BET1: variants seen among roughly 807,000 people sequenced by gnomAD.
BET1 encodes Bet1 golgi vesicular membrane trafficking protein.
A neutral mutation model predicts 13.9 loss-of-function variants in BET1; 9 were observed. The observed-to-expected ratio is 0.65, with a 90% confidence interval of 0.39 to 1.13. The LOEUF is 1.13. Among genes scored for constraint, BET1 ranks in the 50% most tolerant of loss-of-function variants. BET1 has a pLI of 0.01. For missense variants in BET1, 127 were observed against 133.6 expected, an observed-to-expected ratio of 0.95 and a Z score of 0.24; for synonymous variants, 39 against 47.3, an observed-to-expected ratio of 0.82 and a Z score of 0.72.
chr7:93,993,455 T>C lies in BET1; in HGVS notation c.*775A>G, dbSNP rs1037696908. On this transcript the variant is annotated 3_prime_UTR_variant, in exon 4 of 4. Coordinates refer to ENST00000222547, the MANE Select transcript of BET1 (RefSeq NM_005868.6). ...CTGAGTTTCTTGCATACTATTTCCATTTAAAGTTCAGTAATTACTTAACTT... is the reference window on the plus strand; with the variant it reads ...CTGAGTTTCTTGCATACTATTTCCACTTAAAGTTCAGTAATTACTTAACTT... The C allele has an allele frequency of 2.0e-6, 2 of 982,634 alleles. No individual in the cohort carries two copies. The highest frequency in any genetic ancestry group is 6.1e-5 in the Admixed American group (1 of 16,320). 60.9% of individuals were successfully genotyped at this position (982,634 alleles called of 1,614,324 possible).
At chr7:93,977,212 G>A (rs1795353788) in intron 4 of BET1, among the ~76,000 whole-genome samples, 1 of 152,082 alleles carries the variant, frequency 6.6e-6, no homozygotes, top group Non-Finnish European at 1.5e-5. Context: ...TGTAATCTCA[G>A]CACTTTGGGA....
chr7:93,995,278 G>A (rs377551714), intron 3 of BET1, among the ~76,000 whole-genome samples: 15 of 152,242 alleles, frequency 9.9e-5, no homozygotes, highest in East Asian at 7.7e-4. Context: ...AAAAACTAAC[G>A]TATTAAAACA....
intron 4 of BET1, among the ~76,000 whole-genome samples, chr7:93,976,555 A>C (rs1795340337): frequency 6.6e-6 from 1 of 152,182 alleles, no homozygotes; most frequent in Non-Finnish European, 1.5e-5. Context: ...AGGTAAATAA[A>C]AAATGTAATT....
rs769656442 is a variant in BET1, at chr7:94,004,195, T to C, written c.19+3A>G. The C allele has an allele frequency of 6.2e-7, 1 of 1,613,978 alleles. No homozygotes were observed. The highest frequency in any genetic ancestry group is 8.5e-7 in the Non-Finnish European group (1 of 1,179,924). On this transcript the variant is annotated splice_donor_region_variant and intron_variant, in intron 1 of 3. Transcript: ENST00000222547. ...GAACTTCGAACCTCAGCCCTCTTCT[T>C]ACCCAGGCCTGCACGCCTCATCCTG...
intron 4 of BET1, chr7:93,976,237 C>A: frequency 1.7e-6 from 1 of 592,488 alleles, no homozygotes; most frequent in Non-Finnish European, 2.4e-6. Flanking sequence ...TAATGGAAGG[C>A]TTATGTGATA....
Position 93,993,381 on chromosome 7 carries a change from C to CAA in BET1, c.*847_*848dup. 1.0e-6 allele frequency: 1 copy of CAA among 975,406 alleles called. No individual in the cohort carries two copies. Among genetic ancestry groups the CAA allele is most frequent in the Non-Finnish European group, 1.2e-6 (1 of 820,552 alleles). 60.4% of individuals were successfully genotyped at this position (975,406 alleles called of 1,614,324 possible). A position where few individuals can be genotyped will look rare whatever the true frequency, so the allele number is the denominator to read the frequency against. On this transcript the variant is annotated 3_prime_UTR_variant, in exon 4 of 4. Transcript: ENST00000222547. ...GCCTTTGTGTTTTTCTTTCCATAAA[C>CAA]AAATACACTGGATTAAAGCAATAAT...
rs561219157 is a variant in BET1, at chr7:93,971,831, T to C, written c.*137+744A>G. ...TTTAACTAAGAAAGTTTAAATTATA[T>C]GGTAACTTTCCATGAAGTAATCTGA... On this transcript the variant is annotated intron_variant and NMD_transcript_variant, in intron 6 of 6. Coordinates refer to the BET1 transcript ENST00000357520. Among the ~76,000 whole-genome samples, 5 of 151,828 alleles carry C rather than the reference T, an allele frequency of 3.3e-5. No individual in the cohort carries two copies. In the East Asian group the frequency reaches 9.7e-4, roughly 29 times the overall value.
At chr7:93,964,123 A>G (rs899191164) in exon 7 of BET1, 5 of 151,880 alleles carry the variant, frequency 3.3e-5, no homozygotes, top group Admixed American at 6.6e-5. Flanking sequence ...AATAAAAACG[A>G]TTTCCACTTT....
At chr7:93,992,184 A>G, downstream of BET1, 19 of 985,434 alleles carry the variant, frequency 1.9e-5, no homozygotes, top group Non-Finnish European at 2.3e-5. Flanking sequence ...CCTACTTTAA[A>G]TAGTACTTAG....
At chr7:93,994,680 A>T (rs1795722339) in intron 3 of BET1, among the ~76,000 whole-genome samples, 1 of 152,132 alleles carries the variant, frequency 6.6e-6, no homozygotes, top group Non-Finnish European at 1.5e-5. Context: ...TTATGTGGAT[A>T]AAAAAAATTA....
chr7:93,990,540 TAA>T (rs886333026), downstream of BET1, among the ~76,000 whole-genome samples: 70 of 152,278 alleles, frequency 4.6e-4, no homozygotes, highest in African/African-American at 1.6e-3. Context: ...CTATAAATAC[TAA>T]AAGTCAGATT....
At chr7:93,968,256 C>T (rs373225372) in intron 6 of BET1, 1 of 151,736 alleles carries the variant, frequency 6.6e-6, no homozygotes, top group East Asian at 1.9e-4. Context: ...AGAAATACAC[C>T]TGATTTTAAA....
At chr7:94,000,814 G>A (rs1161689958) in intron 1 of BET1, among the ~76,000 whole-genome samples, 1 of 152,148 alleles carries the variant, frequency 6.6e-6, no homozygotes, top group Non-Finnish European at 1.5e-5. Flanking sequence ...ACTTGAGAAT[G>A]TGGGGAAAGG....
chr7:94,004,088 C>A, intron 1 of BET1, 110 bp downstream of exon 1: 14 of 1,506,476 alleles, frequency 9.3e-6, no homozygotes, highest in Non-Finnish European at 1.3e-5. Flanking sequence ...CTCTAGACAT[C>A]CTGTTTTTTG....
At chr7:93,986,483 A>C (rs1206786038) in intron 4 of BET1, among the ~76,000 whole-genome samples, 1 of 152,196 alleles carries the variant, frequency 6.6e-6, no homozygotes, top group Non-Finnish European at 1.5e-5. Context: ...ATGGCAGCAA[A>C]ATGTGAACTA....
At position 93,993,410 on chromosome 7, in the gene BET1, C is replaced by CT; in HGVS notation, c.*819dup. 1.0e-6 allele frequency: 1 copy of CT among 983,402 alleles called. No individual in the cohort carries two copies. Among genetic ancestry groups the CT allele is most frequent in the Non-Finnish European group, 1.2e-6 (1 of 827,638 alleles). 60.9% of individuals were successfully genotyped at this position (983,402 alleles called of 1,614,324 possible). A position where few individuals can be genotyped will look rare whatever the true frequency, so the allele number is the denominator to read the frequency against. The stretch of plus-strand genomic sequence containing the variant: ...TACACTGGATTAAAGCAATAATACT[C>CT]TTATCTTCAAGTTCAATGCCTGAGT... On this transcript the variant is annotated 3_prime_UTR_variant, in exon 4 of 4. Transcript: ENST00000222547.
intron 4 of BET1, among the ~76,000 whole-genome samples, chr7:93,986,514 T>G (rs1468207029): frequency 1.3e-4 from 20 of 152,200 alleles, no homozygotes. Context: ...CTAAGCTAAC[T>G]AGGTGTGCCT....
rs1009424964 is a variant in BET1, at chr7:93,994,098, G to A, written c.*132C>T. 11 of 1,440,950 alleles carry A rather than the reference G, an allele frequency of 7.6e-6. No individual in the cohort carries two copies. Among genetic ancestry groups the A allele is most frequent in the Admixed American group, 2.8e-5 (1 of 35,318 alleles). The allele number at this position is 1,440,950 out of a possible 1,614,324, so 89.3% of individuals were successfully genotyped here. A position where few individuals can be genotyped will look rare whatever the true frequency, so the allele number is the denominator to read the frequency against. ...TTAACTAATGTGATTTATAAAATAA[G>A]CAAAATTCAGCAATTTTCAATGGAA... On this transcript the variant is annotated 3_prime_UTR_variant, in exon 4 of 4. Transcript: ENST00000222547.
chr7:93,996,452 T>G (rs982914125), intron 2 of BET1, 131 bp from the exon 3 acceptor site: 1 of 576,624 alleles, frequency 1.7e-6, no homozygotes, highest in African/African-American at 1.9e-5. Flanking sequence ...AAACTCTCTT[T>G]TTCTGATACT....
Sources: allele counts gnomAD v4.1 joint callset (sites outside exome capture counted in the v4.1 genomes callset), GRCh38; gene constraint gnomAD v4.1.1; transcripts MANE v1.5; gene names NCBI Gene and HGNC (gene_info 2026-07-23, HGNC 2026-07-21).